Variants in NDST4 observed in about 807,000 individuals in gnomAD.
The protein encoded by NDST4 is N-deacetylase and N-sulfotransferase 4.
Under a neutral mutation model 100.8 loss-of-function variants are expected in NDST4, and 63 were observed. The observed-to-expected ratio is 0.62, with a 90% CI of 0.51 to 0.77. NDST4 has a LOEUF of 0.77. Among genes scored for constraint, NDST4 ranks in the 30% least tolerant of loss-of-function variants. The pLI, the probability that NDST4 is intolerant of heterozygous loss-of-function variation, is 0.00. For missense variants in NDST4, 943 were observed against 1,018.4 expected, an observed-to-expected ratio of 0.93 and a Z score of 1.01; for synonymous variants, 377 against 361.8, an observed-to-expected ratio of 1.04 and a Z score of -0.48.
At chr4:114,829,446 T>C (rs924828656) in intron 13 of NDST4, among the ~76,000 whole-genome samples, 1 of 152,212 alleles carries the variant, frequency 6.6e-6, no homozygotes, top group Non-Finnish European at 1.5e-5. Flanking sequence ...ATTGAATATA[T>C]AATAATGATA....
At position 115,083,887 on chromosome 4, in the gene NDST4, C is replaced by A. The variant is rs145957441; in HGVS notation, c.-246-6605G>T. Among the ~76,000 whole-genome samples, 533 of 152,206 alleles carry A rather than the reference C, an allele frequency of 3.5e-3. 3 individuals are homozygous for A. Among genetic ancestry groups the A allele is most frequent in the African/African-American group, 0.012 (507 of 41,544 alleles). ...AAACCTCTTTTCTTTATAAATAACC[C>A]AGTATCAGGTGTTTCTTCATAGAAG... On this transcript the variant is annotated intron_variant, in intron 1 of 13. Coordinates refer to ENST00000264363, the MANE Select transcript of NDST4 (RefSeq NM_022569.3).
chr4:114,828,154 G>A (rs951152303), intron 13 of NDST4, among the ~76,000 whole-genome samples: 1 of 152,016 alleles, frequency 6.6e-6, no homozygotes, highest in African/African-American at 2.4e-5. Flanking sequence ...TATCCTATAT[G>A]GCGTATCTGT....
chr4:114,848,783 C>T (rs1057514229), intron 8 of NDST4, among the ~76,000 whole-genome samples: 9 of 152,204 alleles, frequency 5.9e-5, no homozygotes, highest in Admixed American at 5.9e-4. Context: ...GGTTGATGTG[C>T]TACTCTGTGT....
At chr4:115,077,947 C>T (rs750036105) in intron 1 of NDST4, among the ~76,000 whole-genome samples, 37 of 152,166 alleles carry the variant, frequency 2.4e-4, no homozygotes, top group Non-Finnish European at 4.4e-5. Flanking sequence ...AGAACAATGA[C>T]ATGTTAGTCT....
chr4:114,986,793 C>CATGTATATAT (rs1560845235), intron 2 of NDST4, among the ~76,000 whole-genome samples: 4 of 91,138 alleles, frequency 4.4e-5, no homozygotes, highest in Middle Eastern at 7.5e-3. Context: ...TCCAATTATA[C>CATGTATATAT]ATATATATAT....
intron 2 of NDST4, among the ~76,000 whole-genome samples, chr4:114,978,808 C>A (rs1425426799): frequency 1.3e-5 from 2 of 151,988 alleles, no homozygotes; most frequent in African/African-American, 4.8e-5. Flanking sequence ...CAATTTCATC[C>A]ACTTATCTTT....
At chr4:114,970,672 T>A (rs1726492983) in intron 3 of NDST4, 88 bp from the exon 4 acceptor site, 2 of 1,128,236 alleles carry the variant, frequency 1.8e-6, no homozygotes, top group South Asian at 3.2e-5. Flanking sequence ...TAATTTTTCA[T>A]GCTGCTGATA....
At chr4:115,087,891 A>G (rs1729439363) in intron 1 of NDST4, among the ~76,000 whole-genome samples, 1 of 151,924 alleles carries the variant, frequency 6.6e-6, no homozygotes, top group Non-Finnish European at 1.5e-5. Context: ...TAAATTTTGA[A>G]AACCCATAAT....
At chr4:115,085,901 A>G (rs957213024) in intron 1 of NDST4, among the ~76,000 whole-genome samples, 3 of 152,212 alleles carry the variant, frequency 2.0e-5, no homozygotes, top group Non-Finnish European at 4.4e-5. Context: ...ATATTGTCAT[A>G]CTTCATGTAC....
chr4:115,034,282 G>GC (rs1038594066), intron 2 of NDST4, among the ~76,000 whole-genome samples: 2 of 151,990 alleles, frequency 1.3e-5, no homozygotes, highest in African/African-American at 2.4e-5. Context: ...CCCAAGTGCA[G>GC]CCCCCATCTG....
At chr4:115,014,204 C>T (rs977932753) in intron 2 of NDST4, among the ~76,000 whole-genome samples, 6 of 152,080 alleles carry the variant, frequency 3.9e-5, no homozygotes, top group African/African-American at 1.4e-4. Context: ...TTTTGCACTA[C>T]CCTGAGTCTC....
intron 2 of NDST4, among the ~76,000 whole-genome samples, chr4:115,053,320 T>C (rs1385896235): frequency 1.3e-5 from 2 of 152,164 alleles, no homozygotes; most frequent in African/African-American, 4.8e-5. Flanking sequence ...CTCAATGTAC[T>C]TAAATAGGAT....
rs180792429 is a variant in NDST4, at chr4:114,837,467, A to C, written c.2286+1911T>G. 3.1e-3 allele frequency among the ~76,000 whole-genome samples: 469 copies of C among 152,308 alleles called. 3 individuals are homozygous for C. Among genetic ancestry groups the C allele is most frequent in the Admixed American group, 7.3e-3 (111 of 15,298 alleles). On this transcript the variant is annotated intron_variant, in intron 11 of 13. Coordinates refer to ENST00000264363, the MANE Select transcript of NDST4 (RefSeq NM_022569.3). ...GTAACCAAACAAGCATGGTACTGGC[A>C]CCAAAACAGATATACAGACCAATGA... is the stretch of plus-strand genomic sequence containing the variant.
At chr4:115,018,200 C>T (rs746891393) in intron 2 of NDST4, among the ~76,000 whole-genome samples, 7 of 151,726 alleles carry the variant, frequency 4.6e-5, no homozygotes. Context: ...AAATGAAAGC[C>T]ATTGAGAACA....
At chr4:114,888,235 A>AAT (rs555464799) in intron 6 of NDST4, among the ~76,000 whole-genome samples, 1,580 of 150,302 alleles carry the variant, frequency 0.011, 17 homozygotes, top group South Asian at 0.027. Flanking sequence ...ATTTAATTAA[A>AAT]ATATATATAT....
At chr4:114,845,772 C>G in intron 10 of NDST4, 51 bp downstream of exon 10, 1 of 1,495,674 alleles carries the variant, frequency 6.7e-7, no homozygotes, top group Non-Finnish European at 9.1e-7. Context: ...TTCATTGCCT[C>G]CATTTAAGCT....
Position 115,093,596 on chromosome 4 carries a change from A to C in NDST4, c.-246-16314T>G, listed in dbSNP as rs186688566. Reference sequence around the variant, plus strand: ...TATTAGGGAATTTGGGAATATTTACAAAAATAAATCATTCCAAGCCCCAAA... The same window carrying C: ...TATTAGGGAATTTGGGAATATTTACCAAAATAAATCATTCCAAGCCCCAAA... On this transcript the variant is annotated intron_variant, in intron 1 of 13. Coordinates refer to ENST00000264363, the MANE Select transcript of NDST4 (RefSeq NM_022569.3). 4.6e-5 allele frequency among the ~76,000 whole-genome samples: 7 copies of C among 152,280 alleles called. No homozygotes were observed. In the East Asian group the frequency reaches 1.3e-3, roughly 29 times the overall value.
chr4:115,058,317 T>A (rs1728745822), intron 2 of NDST4, among the ~76,000 whole-genome samples: 1 of 152,172 alleles, frequency 6.6e-6, no homozygotes, highest in South Asian at 2.1e-4. Flanking sequence ...ATCCTTGTAC[T>A]TGTATTTGGA....
At chr4:114,969,309 G>A (rs1392888735) in intron 4 of NDST4, among the ~76,000 whole-genome samples, 2 of 110,432 alleles carry the variant, frequency 1.8e-5, no homozygotes, top group African/African-American at 3.8e-5. Context: ...GCGAGACTCC[G>A]TCTCAAAAAA....
Sources: gnomAD v4.1 joint callset for allele counts (sites outside exome capture counted in the v4.1 genomes callset) on GRCh38, gnomAD v4.1.1 for gene constraint, MANE v1.5 for transcripts, NCBI Gene and HGNC (gene_info 2026-07-23, HGNC 2026-07-21) for gene names.